STPG4: variants seen among roughly 807,000 people sequenced by gnomAD.
STPG4 encodes sperm-tail PG-rich repeat containing 4.
In STPG4, 41 loss-of-function variants were observed where a neutral mutation model predicts 31.5. The observed-to-expected ratio is 1.30, with a 90% CI of 1.01 to 1.69. The LOEUF is 1.69. STPG4 is among the 40% of genes most tolerant of loss of function. STPG4 has a pLI of 0.00. For synonymous variants in STPG4, 141 were observed against 103.0 expected (o/e 1.37, Z -2.24); for missense variants, 375 against 293.4 (o/e 1.28, Z -2.03).
At chr2:47,127,609 A>G (rs913851390) in intron 5 of STPG4, among the ~76,000 whole-genome samples, 1 of 152,090 alleles carries the variant, frequency 6.6e-6, no homozygotes, top group African/African-American at 2.4e-5. Flanking sequence ...CAGTTCTGCT[A>G]TTGGGAGACT....
chr2:47,139,741 T>C (rs544746831), intron 3 of STPG4, among the ~76,000 whole-genome samples: 2 of 152,262 alleles, frequency 1.3e-5, no homozygotes, highest in African/African-American at 4.8e-5. Context: ...GATTATGCTC[T>C]GACAATTTTG....
At chr2:47,150,655 T>C (rs940584820) in intron 3 of STPG4, among the ~76,000 whole-genome samples, 14 of 151,746 alleles carry the variant, frequency 9.2e-5, no homozygotes, top group Admixed American at 5.3e-4. Context: ...AGCTATTTTT[T>C]TTTTTTTTTT....
At chr2:47,139,800 A>C (rs545638118) in intron 3 of STPG4, among the ~76,000 whole-genome samples, 1 of 152,090 alleles carries the variant, frequency 6.6e-6, no homozygotes, top group Admixed American at 6.6e-5. Flanking sequence ...GACCAATTAG[A>C]GTTTGCATAG....
rs1294977628 is a variant in STPG4 at position 47,155,153 on chromosome 2, AG to A, written c.81+17del. 2.5e-6 allele frequency: 4 copies of A among 1,612,446 alleles called. No homozygotes were observed. Among genetic ancestry groups the A allele is most frequent in the African/African-American group, 2.7e-5 (2 of 74,906 alleles). ...GAGGGGAGCAGGAGCCAGGCCGGCA[AG>A]GGGCAGGCCATCTTACCGAAGCTGT... On this transcript the variant is annotated intron_variant, in intron 1 of 6. Coordinates refer to ENST00000445927, the MANE Select transcript of STPG4 (RefSeq NM_001163561.2).
At chr2:47,144,501 T>C (rs777521867) in intron 3 of STPG4, among the ~76,000 whole-genome samples, 3 of 152,050 alleles carry the variant, frequency 2.0e-5, no homozygotes, top group African/African-American at 4.8e-5. Context: ...CTGGGTAACA[T>C]AGTAAGACCC....
chr2:47,141,778 T>G (rs60266041), intron 3 of STPG4, among the ~76,000 whole-genome samples: 2,992 of 151,890 alleles, frequency 0.02, 98 homozygotes, highest in African/African-American at 0.068. Context: ...ACTTCAGGTC[T>G]AAAATGAGTG....
At chr2:47,132,708 A>G (rs529381540) in intron 3 of STPG4, among the ~76,000 whole-genome samples, 3 of 152,218 alleles carry the variant, frequency 2.0e-5, no homozygotes, top group African/African-American at 7.2e-5. Context: ...GATTCTGATG[A>G]CAATTACGTG....
chr2:47,117,978 C>A (rs114190586), intron 5 of STPG4, among the ~76,000 whole-genome samples: 3,778 of 151,312 alleles, frequency 0.025, 167 homozygotes, highest in African/African-American at 0.087. Flanking sequence ...CCAGGCTGGT[C>A]TTGAACTCTT....
chr2:47,130,096 A>T (rs1320925522), intron 4 of STPG4, 100 bp downstream of exon 4: 2 of 1,472,840 alleles, frequency 1.4e-6, no homozygotes, highest in Non-Finnish European at 1.9e-6. Context: ...TTAAAATGTT[A>T]ATTTGCATAT....
intron 6 of STPG4, among the ~76,000 whole-genome samples, chr2:47,088,842 C>T (rs558717958): frequency 2.6e-5 from 4 of 152,270 alleles, no homozygotes; most frequent in Middle Eastern, 3.4e-3. Context: ...GAAGCTGAAG[C>T]CTTTATTATT....
chr2:47,096,841 C>T (rs898317825), intron 5 of STPG4, among the ~76,000 whole-genome samples: 9 of 152,100 alleles, frequency 5.9e-5, no homozygotes, highest in African/African-American at 1.4e-4. Context: ...TCCCAATATA[C>T]GAATTAAGGA....
intron 3 of STPG4, among the ~76,000 whole-genome samples, chr2:47,134,168 T>C (rs1266164251): frequency 6.6e-6 from 1 of 152,072 alleles, no homozygotes; most frequent in Non-Finnish European, 1.5e-5. Context: ...ATTATCATCA[T>C]GCCACACTAA....
intron 3 of STPG4, among the ~76,000 whole-genome samples, chr2:47,140,982 A>T (rs1474786870): frequency 6.6e-6 from 1 of 151,246 alleles, no homozygotes; most frequent in East Asian, 1.9e-4. Flanking sequence ...CACCTTCCAG[A>T]TTCAAGCGAC....
chr2:47,151,751 T>TC (rs1686941425), intron 2 of STPG4, among the ~76,000 whole-genome samples: 2 of 152,024 alleles, frequency 1.3e-5, no homozygotes, highest in Non-Finnish European at 2.9e-5. Context: ...TAACTTTTTT[T>TC]TTTTTTTGAG....
chr2:47,108,103 G>T (rs556385035), intron 5 of STPG4, among the ~76,000 whole-genome samples: 1 of 151,654 alleles, frequency 6.6e-6, no homozygotes, highest in African/African-American at 2.4e-5. Context: ...TCAACACTCT[G>T]TATCTAGTTA....
rs113371790 is a variant in STPG4 at position 47,097,891 on chromosome 2, G to A, written c.520-7517C>T. ...CCAGCACTTTTGGAGGCCCACGTGG[G>A]TAGATCTCTTGAGGCCAGGAGTTTG... On this transcript the variant is annotated intron_variant, in intron 5 of 6. Transcript: ENST00000445927. Among the ~76,000 whole-genome samples the A allele has an allele frequency of 1.0e-3, 156 of 151,398 alleles. 1 individual carries two copies. Among genetic ancestry groups the A allele is most frequent in the African/African-American group, 3.6e-3 (147 of 41,224 alleles).
chr2:47,097,068 A>G (rs1013124515), intron 5 of STPG4, among the ~76,000 whole-genome samples: 2 of 152,114 alleles, frequency 1.3e-5, no homozygotes, highest in Non-Finnish European at 2.9e-5. Context: ...GAGGGATATG[A>G]GGGGCAAAGG....
intron 3 of STPG4, among the ~76,000 whole-genome samples, chr2:47,138,440 A>G (rs1343375436): frequency 6.8e-6 from 1 of 147,388 alleles, no homozygotes; most frequent in Non-Finnish European, 1.5e-5. Context: ...CACCCAGGCT[A>G]TAGTGCAGTG....
intron 2 of STPG4, among the ~76,000 whole-genome samples, chr2:47,152,274 A>G (rs1483993024): frequency 6.6e-6 from 1 of 152,220 alleles, no homozygotes; most frequent in Non-Finnish European, 1.5e-5. Flanking sequence ...AAACTGGCAG[A>G]GCATATGGCC....
Sources: gnomAD v4.1 joint callset for allele counts (sites outside exome capture counted in the v4.1 genomes callset) on GRCh38, gnomAD v4.1.1 for gene constraint, MANE v1.5 for transcripts, NCBI Gene and HGNC (gene_info 2026-07-23, HGNC 2026-07-21) for gene names.